The following ABHD5 variants were observed in gnomAD, a reference collection of about 807,000 sequenced individuals.
ABHD5 encodes 1-acylglycerol-3-phosphate O-acyltransferase ABHD5.
ABHD5 carries 30 observed loss-of-function variants against 44.9 expected under a neutral mutation model. The ratio of observed to expected loss-of-function variants is 0.67; its 90% CI spans 0.50 to 0.91. ABHD5 has a LOEUF of 0.91. Ranked by LOEUF, ABHD5 falls within the 40% of genes least tolerant of loss-of-function variation. ABHD5 has a pLI of 0.00. For missense variants in ABHD5, 399 were observed against 423.4 expected, an observed-to-expected ratio of 0.94 and a Z score of 0.50; for synonymous variants, 167 against 147.0, an observed-to-expected ratio of 1.14 and a Z score of -0.99.
intron 5 of ABHD5, among the ~76,000 whole-genome samples, chr3:43,716,015 A>G (rs2084757845): frequency 6.6e-6 from 1 of 152,170 alleles, no homozygotes; most frequent in Non-Finnish European, 1.5e-5. Context: ...CAGTGATTAG[A>G]AGGAGAGAGA....
intron 3 of ABHD5, among the ~76,000 whole-genome samples, chr3:43,707,173 T>C (rs183825016): frequency 3.9e-5 from 6 of 152,286 alleles, no homozygotes; most frequent in Non-Finnish European, 7.4e-5. Context: ...AAAAAAACTA[T>C]CTGTATTTTA....
intron 1 of ABHD5, among the ~76,000 whole-genome samples, chr3:43,691,911 G>A (rs1476738134): frequency 2.6e-5 from 4 of 152,190 alleles, no homozygotes; most frequent in African/African-American, 7.2e-5. Context: ...AAGTTGGAGG[G>A]CAGATGTCTA....
Position 43,702,257 on chromosome 3 carries a change from A to G in ABHD5, c.176A>G (p.Asn59Ser). The G allele has an allele frequency of 4.4e-6, 7 of 1,596,068 alleles. No individual in the cohort carries two copies. Among genetic ancestry groups the G allele is most frequent in the Non-Finnish European group, 5.1e-6 (6 of 1,168,344 alleles). ...AAAAAAGAACCTGTTCGTATATCTA[A>G]TGGAAATAAAATATGGACACTGAAG... ...TYKKEPVRIS[N>S]GNKIWTLKFS... Residue 59 changes from asparagine to serine, a missense_variant, in exon 3 of 7, where the codon AAT becomes AGT. Physicochemically the swap from Asn to Ser is conservative, Grantham distance 46. Coordinates refer to ENST00000644371, the MANE Select transcript of ABHD5 (RefSeq NM_016006.6).
At chr3:43,731,255 G>A (rs1020920121) in intron 7 of ABHD5, among the ~76,000 whole-genome samples, 4 of 152,156 alleles carry the variant, frequency 2.6e-5, no homozygotes, top group Admixed American at 1.3e-4. Context: ...AGGATCGTTC[G>A]CTAAAGCTAA....
intron 2 of ABHD5, 189 bp downstream of exon 2, chr3:43,699,550 T>G (rs1271176970): frequency 5.0e-6 from 3 of 602,402 alleles, no homozygotes; most frequent in South Asian, 1.9e-5. Flanking sequence ...GTTCTAAAAC[T>G]TTTTGGTCTT....
At chr3:43,699,137 A>G in intron 1 of ABHD5, 139 bp from the exon 2 acceptor site, 1 of 742,370 alleles carries the variant, frequency 1.3e-6, no homozygotes, top group Non-Finnish European at 2.4e-6. Flanking sequence ...TGTGCATGTT[A>G]GGTCACTTTT....
At chr3:43,730,919 C>T (rs1324728938) in intron 7 of ABHD5, among the ~76,000 whole-genome samples, 1 of 152,110 alleles carries the variant, frequency 6.6e-6, no homozygotes, top group African/African-American at 2.4e-5. Flanking sequence ...ACCTCTGCCT[C>T]CTGGGTTCAA....
chr3:43,719,602 A>T lies in ABHD5; in HGVS notation c.*1070A>T, dbSNP rs1031458463. Reference sequence around the variant, plus strand: ...AGTATTGTGTTAATTAAATCATTACATACTTGAAGTTATATTACAAAAATT... The same window carrying T: ...AGTATTGTGTTAATTAAATCATTACTTACTTGAAGTTATATTACAAAAATT... On this transcript the variant is annotated 3_prime_UTR_variant, in exon 7 of 7. Transcript: ENST00000644371. 2 of 152,212 alleles carry T rather than the reference A, an allele frequency of 1.3e-5. No homozygotes were observed. The highest frequency in any genetic ancestry group is 4.8e-5 in the African/African-American group (2 of 41,464). 9.4% of individuals were successfully genotyped at this position (152,212 alleles called of 1,614,324 possible). A position where few individuals can be genotyped will look rare whatever the true frequency, so the allele number is the denominator to read the frequency against.
chr3:43,710,802 G>T (rs2084679452), intron 3 of ABHD5, among the ~76,000 whole-genome samples: 1 of 152,154 alleles, frequency 6.6e-6, no homozygotes, highest in African/African-American at 2.4e-5. Context: ...GGCTGGCTTG[G>T]TTACAGTTGA....
At position 43,719,995 on chromosome 3, in the gene ABHD5, A is replaced by G. The variant is rs1200095968; in HGVS notation, c.*1463A>G. On this transcript the variant is annotated 3_prime_UTR_variant, in exon 7 of 7. Coordinates refer to ENST00000644371, the MANE Select transcript of ABHD5 (RefSeq NM_016006.6). Reference sequence around the variant, plus strand: ...AACTGCCAGAAAGACTGAATGTTCTATTTTCAACATTTCTCCCCTATAAAA... The same window carrying G: ...AACTGCCAGAAAGACTGAATGTTCTGTTTTCAACATTTCTCCCCTATAAAA... The G allele has an allele frequency of 3.3e-5, 5 of 152,164 alleles. No homozygotes were observed. Among genetic ancestry groups the G allele is most frequent in the Admixed American group, 2.0e-4 (3 of 15,274 alleles). The allele number at this position is 152,164 out of a possible 1,614,324, so 9.4% of individuals were successfully genotyped here.
At chr3:43,711,888 CA>C in intron 4 of ABHD5, 25 bp downstream of exon 4, 1 of 1,613,886 alleles carries the variant, frequency 6.2e-7, no homozygotes, top group Non-Finnish European at 8.5e-7. Context: ...TCTAGGAAAG[CA>C]AAATGTTTGT....
rs1327083305 is a variant in ABHD5 at position 43,718,683 on chromosome 3, C to T, written c.*151C>T. 2 of 740,602 alleles carry T rather than the reference C, an allele frequency of 2.7e-6. No homozygotes were observed. The highest frequency in any genetic ancestry group is 4.8e-6 in the Non-Finnish European group (2 of 417,474). 45.9% of individuals were successfully genotyped at this position (740,602 alleles called of 1,614,324 possible). On this transcript the variant is annotated 3_prime_UTR_variant, in exon 7 of 7. Transcript: ENST00000644371. Reference sequence around the variant, plus strand: ...CATGTTTTCTTTAGGAATTCACTCACACATTTAAACCAGTTAGTGCCTTCT... The same window carrying T: ...CATGTTTTCTTTAGGAATTCACTCATACATTTAAACCAGTTAGTGCCTTCT...
At chr3:43,693,500 C>T (rs2084428670) in intron 1 of ABHD5, among the ~76,000 whole-genome samples, 1 of 152,186 alleles carries the variant, frequency 6.6e-6, no homozygotes, top group African/African-American at 2.4e-5. Flanking sequence ...ATGTGCCTTT[C>T]TCTCTGCTGC....
At chr3:43,713,136 C>T (rs1277144590) in intron 4 of ABHD5, among the ~76,000 whole-genome samples, 1 of 151,694 alleles carries the variant, frequency 6.6e-6, no homozygotes, top group Non-Finnish European at 1.5e-5. Context: ...GCCAACATGA[C>T]AAAACCCCAT....
At chr3:43,730,300 T>C (rs2149612911) in intron 7 of ABHD5, among the ~76,000 whole-genome samples, 1 of 152,346 alleles carries the variant, frequency 6.6e-6, no homozygotes, top group Middle Eastern at 3.4e-3. Flanking sequence ...GGAATGCTCT[T>C]GGCTGATGAG....
intron 1 of ABHD5, chr3:43,691,692 A>G (rs9682978): frequency 0.11 from 16,554 of 152,192 alleles, 1,289 homozygotes; most frequent in South Asian, 0.23. Context: ...TATGGCTGTG[A>G]GTTTCAGATA....
At chr3:43,695,949 G>C (rs1352891408) in intron 1 of ABHD5, among the ~76,000 whole-genome samples, 1 of 152,098 alleles carries the variant, frequency 6.6e-6, no homozygotes, top group Non-Finnish European at 1.5e-5. Flanking sequence ...AAGATTCTTA[G>C]TTTGCACTAC....
In ABHD5 at chr3:43,714,465, C is replaced by T. The variant is rs184654358; in HGVS notation, c.662-482C>T. On this transcript the variant is annotated intron_variant, in intron 4 of 6. Transcript: ENST00000644371. ...GCTTTTTCTAGAGTGGGGCTGTGGG[C>T]GCCACCAGGGATAACCTTAGCAGGG... 7.5e-4 allele frequency among the ~76,000 whole-genome samples: 114 copies of T among 152,078 alleles called. 2 individuals carry two copies. Among genetic ancestry groups the T allele is most frequent in the African/African-American group, 2.7e-3 (112 of 41,490 alleles).
rs139478655 is a variant in ABHD5, at chr3:43,698,229, A to T, written c.48-1047A>T. ...CCTTATTATAACTTCTTTATCTCCA[A>T]CCAGTTATCAAATCCAACCTGTTTT... On this transcript the variant is annotated intron_variant, in intron 1 of 6. Transcript: ENST00000644371. 9.4e-3 allele frequency among the ~76,000 whole-genome samples: 1,433 copies of T among 152,258 alleles called. 76 individuals carry two copies. Among genetic ancestry groups the T allele is most frequent in the Admixed American group, 0.079 (1,200 of 15,282 alleles).
Sources: gnomAD v4.1 joint callset for allele counts (sites outside exome capture counted in the v4.1 genomes callset) on GRCh38, gnomAD v4.1.1 for gene constraint, MANE v1.5 for transcripts, NCBI Gene and HGNC (gene_info 2026-07-23, HGNC 2026-07-21) for gene names.